Variants in EML6 observed in about 807,000 individuals in gnomAD.
EML6 encodes the protein EMAP like 6, also known as echinoderm microtubule-associated protein-like 6.
Under a neutral mutation model 240.1 loss-of-function variants are expected in EML6, and 154 were observed. That is an observed-to-expected ratio of 0.64 (90% CI 0.56 to 0.73). The LOEUF is 0.73. Ranked by LOEUF, EML6 falls within the 30% of genes least tolerant of loss-of-function variation. The pLI is 0.00. For missense variants in EML6, 2,964 were observed against 2,474.6 expected, an observed-to-expected ratio of 1.20 and a Z score of -4.20; for synonymous variants, 1,148 against 899.0, an observed-to-expected ratio of 1.28 and a Z score of -4.95.
chr2:54,919,719 T>TA (rs1247086259), intron 26 of EML6, among the ~76,000 whole-genome samples: 3 of 152,190 alleles, frequency 2.0e-5, no homozygotes, highest in Non-Finnish European at 4.4e-5. Flanking sequence ...GCTATTTAGA[T>TA]AACTAAATCC....
In EML6 at chr2:54,941,983, T is replaced by C. The variant is rs1675453823; in HGVS notation, c.4005-6899T>C. 2.6e-5 allele frequency among the ~76,000 whole-genome samples: 4 copies of C among 152,206 alleles called. No individual in the cohort carries two copies. The South Asian group carries it at 6.2e-4, about 24-fold the overall frequency. On this transcript the variant is annotated intron_variant, in intron 28 of 41. Transcript: ENST00000356458. ...TGAAATTAATCATCTCCAAGGCCTA[T>C]TGCTTAGTTAGGTAACTCCACTAAA...
At chr2:54,813,694 T>C (rs1474202319) in intron 3 of EML6, among the ~76,000 whole-genome samples, 1 of 152,212 alleles carries the variant, frequency 6.6e-6, no homozygotes, top group Non-Finnish European at 1.5e-5. Context: ...TTGTCTGTTG[T>C]TAGCTTCCTA....
At chr2:54,890,307 A>T (rs1239697648) in intron 17 of EML6, among the ~76,000 whole-genome samples, 2 of 152,184 alleles carry the variant, frequency 1.3e-5, no homozygotes, top group Admixed American at 1.3e-4. Context: ...CGTAAGGCAG[A>T]TCGGTCAGTC....
At chr2:54,856,299 C>G (rs191685035) in intron 11 of EML6, among the ~76,000 whole-genome samples, 63 of 152,314 alleles carry the variant, frequency 4.1e-4, no homozygotes, top group African/African-American at 1.5e-3. Context: ...AGGCCTTGCT[C>G]AATGACAATT....
intron 2 of EML6, among the ~76,000 whole-genome samples, chr2:54,767,644 G>GTT (rs1204286263): frequency 6.7e-6 from 1 of 149,308 alleles, no homozygotes; most frequent in East Asian, 2.0e-4. Flanking sequence ...GTGTGTGTGT[G>GTT]TATGTTGCAA....
chr2:54,808,890 T>G (rs1261880074), intron 2 of EML6, among the ~76,000 whole-genome samples: 1 of 152,244 alleles, frequency 6.6e-6, no homozygotes, highest in East Asian at 1.9e-4. Context: ...CCAGATAGGT[T>G]GATGAAAGTC....
chr2:54,772,611 G>A (rs113211936), intron 2 of EML6, among the ~76,000 whole-genome samples: 11 of 152,324 alleles, frequency 7.2e-5, no homozygotes, highest in African/African-American at 2.6e-4. Context: ...CATGTGCTGT[G>A]TGTGTATGTA....
chr2:54,798,293 C>T (rs1419583995), intron 2 of EML6, among the ~76,000 whole-genome samples: 1 of 152,138 alleles, frequency 6.6e-6, no homozygotes, highest in Admixed American at 6.5e-5. Flanking sequence ...CTGCCTCAGC[C>T]TCCTGAGTAG....
intron 28 of EML6, 26 bp from the exon 29 acceptor site, chr2:54,948,856 C>T (rs1404144947): frequency 1.3e-6 from 2 of 1,539,886 alleles, no homozygotes; most frequent in Non-Finnish European, 1.8e-6. Context: ...CAATGCTGTG[C>T]TTCCTCTGGC....
At chr2:54,877,046 G>A (rs945428814) in intron 16 of EML6, among the ~76,000 whole-genome samples, 2 of 151,522 alleles carry the variant, frequency 1.3e-5, no homozygotes, top group Admixed American at 6.6e-5. Context: ...GCAGTGGCAT[G>A]ATCATGGCTC....
intron 7 of EML6, among the ~76,000 whole-genome samples, chr2:54,832,607 A>G (rs976701441): frequency 6.6e-6 from 1 of 152,238 alleles, no homozygotes; most frequent in South Asian, 2.1e-4. Context: ...CTCCCCCTTC[A>G]GCCAGGCAAT....
chr2:54,765,844 T>C lies in EML6; in HGVS notation c.197+40586T>C, dbSNP rs1045556334. 2.6e-5 allele frequency among the ~76,000 whole-genome samples: 4 copies of C among 152,214 alleles called. No homozygotes were observed. In the East Asian group the frequency reaches 7.7e-4, roughly 29 times the overall value. On this transcript the variant is annotated intron_variant, in intron 2 of 41. Coordinates refer to ENST00000356458, the MANE Select transcript of EML6 (RefSeq NM_001039753.4). ...ATACTTTAACCATTTCTTATCTACA[T>C]ACAATCTACTTTCTTTTTTATTTTA...
intron 2 of EML6, among the ~76,000 whole-genome samples, chr2:54,810,873 C>G (rs946942512): frequency 1.3e-5 from 2 of 152,164 alleles, no homozygotes; most frequent in African/African-American, 4.8e-5. Flanking sequence ...TGAGCAGTCT[C>G]CTTGGTTTCC....
chr2:54,871,602 T>G lies in EML6; in HGVS notation c.2341T>G (p.Ser781Ala), dbSNP rs1414718940. ...GAGAGGAGTGTGTGCACTTGATTTT[T>G]CAGGTAAGGTCCAGAGTGATTGACA... ...HQRGVCALDF[S>A]ADGKCLVSVG... Residue 781 changes from serine to alanine, a missense_variant, in exon 16 of 42, where the codon TCA (serine) becomes GCA (alanine). By Grantham distance (99) the Ser-to-Ala change is moderately conservative (BLOSUM62 1). Transcript: ENST00000356458. 6.5e-7 allele frequency: 1 copy of G among 1,547,616 alleles called. No individual in the cohort carries two copies. Among genetic ancestry groups the G allele is most frequent in the East Asian group, 2.4e-5 (1 of 40,906 alleles).
chr2:54,927,856 C>G (rs529335457), intron 26 of EML6, among the ~76,000 whole-genome samples: 9 of 152,320 alleles, frequency 5.9e-5, no homozygotes, highest in African/African-American at 2.2e-4. Context: ...TACTTGAGGT[C>G]CCAGGTTTAT....
chr2:54,920,258 A>G (rs1463769866), intron 26 of EML6, among the ~76,000 whole-genome samples: 1 of 152,166 alleles, frequency 6.6e-6, no homozygotes. Flanking sequence ...TTGAAAAGGT[A>G]AAATTGACCA....
In EML6 at chr2:54,950,747, C is replaced by A; in HGVS notation, c.4181C>A (p.Ala1394Glu). The A allele has an allele frequency of 6.4e-7, 1 of 1,551,606 alleles. No individual in the cohort carries two copies. The highest frequency in any genetic ancestry group is 8.7e-7 in the Non-Finnish European group (1 of 1,146,980). Residue 1394 changes from alanine (A) to glutamate (E), a missense_variant, in exon 30 of 42, where the codon GCA becomes GAA. Physicochemically the swap from Ala to Glu is moderately radical, Grantham distance 107. Coordinates refer to ENST00000356458, the MANE Select transcript of EML6 (RefSeq NM_001039753.4). ...NDGADIIFHT[A>E]AAGIVQNLST... Reference sequence around the variant, plus strand: ...GGCGCTGACATCATCTTCCACACAGCAGCGGCTGGCATCGTTCAGAACCTC... The same window carrying A: ...GGCGCTGACATCATCTTCCACACAGAAGCGGCTGGCATCGTTCAGAACCTC...
intron 16 of EML6, among the ~76,000 whole-genome samples, chr2:54,873,775 A>T (rs929591896): frequency 1.4e-5 from 2 of 145,240 alleles, no homozygotes; most frequent in Non-Finnish European, 3.0e-5. Flanking sequence ...TGTTTACAAC[A>T]TTATTGGGAA....
Position 54,804,956 on chromosome 2 carries a change from C to T in EML6, c.198-8276C>T, listed in dbSNP as rs142997318. ...GTTATTTTATTTTTTATTCCCTTAACGTTTACCTTTGTAGCTTTAGGTTAT... is the reference window on the plus strand; with the variant it reads ...GTTATTTTATTTTTTATTCCCTTAATGTTTACCTTTGTAGCTTTAGGTTAT... On this transcript the variant is annotated intron_variant, in intron 2 of 41. Coordinates refer to ENST00000356458, the MANE Select transcript of EML6 (RefSeq NM_001039753.4). Among the ~76,000 whole-genome samples the T allele has an allele frequency of 3.0e-3, 456 of 152,234 alleles. 3 individuals carry two copies. The highest frequency in any genetic ancestry group is 8.4e-3 in the African/African-American group (351 of 41,548).
Sources: gnomAD v4.1 joint callset for allele counts (sites outside exome capture counted in the v4.1 genomes callset) on GRCh38, gnomAD v4.1.1 for gene constraint, MANE v1.5 for transcripts, NCBI Gene and HGNC (gene_info 2026-07-23, HGNC 2026-07-21) for gene names.